The following CNGB1 variants were observed in gnomAD, a reference collection of about 807,000 sequenced individuals.
CNGB1 encodes cyclic nucleotide-gated channel beta-1.
CNGB1 carries 126 observed loss-of-function variants against 151.7 expected under a neutral mutation model. The observed-to-expected ratio is 0.83, with a 90% confidence interval of 0.72 to 0.96. CNGB1 has a LOEUF of 0.96. CNGB1 is among the 40% of genes least tolerant of loss of function. The pLI, the probability that CNGB1 is intolerant of heterozygous loss-of-function variation, is 0.00. For missense variants in CNGB1, 1,698 were observed against 1,627.0 expected (o/e 1.04, Z -0.75); for synonymous variants, 623 against 635.1 (o/e 0.98, Z 0.29).
chr16:57,917,265 C>T lies in CNGB1; in HGVS notation c.2166+3G>A. 6.2e-7 allele frequency: 1 copy of T among 1,611,496 alleles called. No homozygotes were observed. Among genetic ancestry groups the T allele is most frequent in the Non-Finnish European group, 8.5e-7 (1 of 1,178,792 alleles). ...ACCCCAACACCACCTGCCTGTGACT[C>T]ACAATGATGTCCCCGCCTCTGACAA... is the stretch of plus-strand genomic sequence containing the variant. On this transcript the variant is annotated splice_donor_region_variant and intron_variant, in intron 21 of 32. Transcript: ENST00000251102.
chr16:57,899,677 G>A (rs915929087), intron 29 of CNGB1, among the ~76,000 whole-genome samples: 1 of 151,948 alleles, frequency 6.6e-6, no homozygotes, highest in Admixed American at 6.6e-5. Context: ...TAAATAAGGG[G>A]TGGGGGGAGT....
chr16:57,919,330 T>C, intron 19 of CNGB1, 76 bp from the exon 20 acceptor site: 1 of 1,611,054 alleles, frequency 6.2e-7, no homozygotes, highest in South Asian at 1.1e-5. Context: ...GGGTCCCAAC[T>C]GCAGACCTTG....
Position 57,884,375 on chromosome 16 carries a change from T to TC in CNGB1, c.3544dup (p.Asp1182GlyfsTer111). On this transcript the variant is annotated frameshift_variant, in exon 33 of 33. Coordinates refer to ENST00000251102, the MANE Select transcript of CNGB1 (RefSeq NM_001297.5). LOFTEE classifies it low-confidence loss of function (END_TRUNC). ...GGGGGGCGTCCGGGGCGCGGGTGGG[T>TC]CGGTGGCGGCCTCCTTTGGGTGCGT... The TC allele has an allele frequency of 6.2e-7, 1 of 1,610,892 alleles. No individual in the cohort carries two copies. The highest frequency in any genetic ancestry group is 1.3e-5 in the African/African-American group (1 of 74,510).
In CNGB1 at chr16:57,960,902, G is replaced by T. The variant is rs1410014089; in HGVS notation, c.472C>A (p.Leu158Met). ...AGATTCTGCTCCAGCCACAGAAGCA[G>T]CCGCAGCCCAGGCCTGCAGAGGGGC... is the stretch of plus-strand genomic sequence containing the variant. ...EAQDTRPGLR[L>M]LLWLEQNLER... is the part of the protein sequence containing the mutation. The change falls in exon 8 of 33, where the codon CTG becomes ATG. Residue 158 changes from leucine (L) to methionine (M), a missense_variant. Physicochemically the swap from Leu to Met is conservative, Grantham distance 15. Coordinates refer to ENST00000251102, the MANE Select transcript of CNGB1 (RefSeq NM_001297.5). 1 of 1,614,204 alleles carries T rather than the reference G, an allele frequency of 6.2e-7. No individual in the cohort carries two copies.
intron 32 of CNGB1, among the ~76,000 whole-genome samples, chr16:57,886,899 G>C (rs1241825229): frequency 6.6e-6 from 1 of 152,086 alleles, no homozygotes; most frequent in Non-Finnish European, 1.5e-5. Flanking sequence ...TTTTGAGACA[G>C]GGTCTCACTC....
chr16:57,939,373 G>A, intron 16 of CNGB1, 57 bp downstream of exon 16: 1 of 1,611,402 alleles, frequency 6.2e-7, no homozygotes, highest in Non-Finnish European at 8.5e-7. Flanking sequence ...GCTGCCTCCA[G>A]CCTAAAAGGA....
chr16:57,904,901 T>C (rs773428874), intron 25 of CNGB1, 26 bp from the exon 26 acceptor site: 3 of 1,613,962 alleles, frequency 1.9e-6, no homozygotes, highest in Non-Finnish European at 2.5e-6. Flanking sequence ...AAAGGGAACA[T>C]GGGTCATCAC....
chr16:57,929,944 T>A (rs1369533747), intron 17 of CNGB1, among the ~76,000 whole-genome samples: 1 of 151,928 alleles, frequency 6.6e-6, no homozygotes, highest in Non-Finnish European at 1.5e-5. Context: ...AATAAATAAA[T>A]AAGACAGAAA....
At chr16:57,894,928 G>A (rs1346421782) in intron 31 of CNGB1, among the ~76,000 whole-genome samples, 1 of 152,206 alleles carries the variant, frequency 6.6e-6, no homozygotes, top group Non-Finnish European at 1.5e-5. Flanking sequence ...AAAGGGTAGT[G>A]GAGGAAGAGA....
chr16:57,926,890 G>A (rs1018660352), intron 17 of CNGB1, among the ~76,000 whole-genome samples: 3 of 152,236 alleles, frequency 2.0e-5, no homozygotes, highest in African/African-American at 7.2e-5. Context: ...TGAGGTAGGA[G>A]AATCGCTTAA....
intron 14 of CNGB1, among the ~76,000 whole-genome samples, chr16:57,943,666 G>A (rs937039885): frequency 7.9e-5 from 12 of 151,692 alleles, no homozygotes; most frequent in Non-Finnish European, 1.3e-4. Flanking sequence ...GCCCCCACCC[G>A]AAAAAAGACA....
At position 57,950,489 on chromosome 16, in the gene CNGB1, A is replaced by G; in HGVS notation, c.926T>C (p.Val309Ala). Residue 309 changes from valine to alanine, a missense_variant, in exon 13 of 33, where the codon GTT becomes GCT. Coordinates refer to ENST00000251102, the MANE Select transcript of CNGB1 (RefSeq NM_001297.5). ...QVEPDLVLEE[V>A]EPPWEDAHQD... ...GTGGGCATCCTCCCAGGGCGGTTCA[A>G]CCTCCTCTAGGACAAGGTCAGGCTC... The G allele has an allele frequency of 6.2e-7, 1 of 1,614,120 alleles. No homozygotes were observed. Among genetic ancestry groups the G allele is most frequent in the Non-Finnish European group, 8.5e-7 (1 of 1,180,018 alleles).
intron 32 of CNGB1, among the ~76,000 whole-genome samples, chr16:57,887,399 G>A (rs929703308): frequency 3.0e-4 from 45 of 152,060 alleles, no homozygotes; most frequent in African/African-American, 1.0e-3. Flanking sequence ...CACACCGAAT[G>A]GCTCAAGAAT....
At position 57,940,313 on chromosome 16, in the gene CNGB1, A is replaced by C. The variant is rs1286257605; in HGVS notation, c.1130T>G (p.Leu377Arg). The C allele has an allele frequency of 2.5e-6, 4 of 1,581,438 alleles. No individual in the cohort carries two copies. Among genetic ancestry groups the C allele is most frequent in the Non-Finnish European group, 2.6e-6 (3 of 1,163,836 alleles). The change falls in exon 15 of 33, where the codon CTG (leucine) becomes CGG (arginine). Residue 377 changes from leucine to arginine, a missense_variant. Transcript: ENST00000251102. The part of the protein sequence containing the change: ...EEEEEVTEVL[L>R]DSCVVSQVGV... ...CACCTGCGACACCACACAGCTATCC[A>C]GCAGCACCCTGTGACCCGGGGCGGG...
chr16:57,883,943 C>T lies in CNGB1; in HGVS notation c.*221G>A. 1.6e-6 allele frequency: 1 copy of T among 614,600 alleles called. No individual in the cohort carries two copies. The highest frequency in any genetic ancestry group is 2.9e-5 in the Admixed American group (1 of 34,670). The allele number at this position is 614,600 out of a possible 1,614,324, so 38.1% of individuals were successfully genotyped here. A position where few individuals can be genotyped will look rare whatever the true frequency, so the allele number is the denominator to read the frequency against. On this transcript the variant is annotated 3_prime_UTR_variant, in exon 33 of 33. Coordinates refer to ENST00000251102, the MANE Select transcript of CNGB1 (RefSeq NM_001297.5). The stretch of plus-strand genomic sequence containing the variant: ...GATAGTGAGAGCTCAGGGACTCGAA[C>T]ACTTGATGCAACTTGTCGAGCTCAG...
intron 31 of CNGB1, among the ~76,000 whole-genome samples, chr16:57,891,360 T>C (rs1469994429): frequency 2.0e-5 from 3 of 152,114 alleles, no homozygotes; most frequent in Non-Finnish European, 4.4e-5. Flanking sequence ...ATACATGAAC[T>C]TGGCCAGGCG....
intron 18 of CNGB1, among the ~76,000 whole-genome samples, chr16:57,921,580 C>G (rs1302960770): frequency 6.6e-6 from 1 of 152,054 alleles, no homozygotes; most frequent in Non-Finnish European, 1.5e-5. Context: ...TGAGCTGCTC[C>G]CCTACACTCA....
intron 29 of CNGB1, among the ~76,000 whole-genome samples, chr16:57,898,816 C>T (rs1270695771): frequency 2.0e-5 from 3 of 152,196 alleles, no homozygotes; most frequent in Non-Finnish European, 4.4e-5. Flanking sequence ...CAGTCTGGTT[C>T]CAGAGTTCAT....
rs552673599 is a variant in CNGB1, at chr16:57,929,654, C to A, written c.1535+2062G>T. On this transcript the variant is annotated intron_variant, in intron 17 of 32. Coordinates refer to ENST00000251102, the MANE Select transcript of CNGB1 (RefSeq NM_001297.5). ...GACAGAGCAGGAGAGAAAGAAAGAG[C>A]AAATGCGGAGGGGCCACACAGTTTT... 4.6e-5 allele frequency among the ~76,000 whole-genome samples: 7 copies of A among 152,260 alleles called. No individual in the cohort carries two copies. The South Asian group carries it at 1.5e-3, about 32-fold the overall frequency.
Sources: gnomAD v4.1 joint callset for allele counts (sites outside exome capture counted in the v4.1 genomes callset) on GRCh38, gnomAD v4.1.1 for gene constraint, MANE v1.5 for transcripts, NCBI Gene and HGNC (gene_info 2026-07-23, HGNC 2026-07-21) for gene names.